Variants in KCNT2 observed in about 807,000 individuals in gnomAD.
The protein encoded by KCNT2 is potassium sodium-activated channel subfamily T member 2, also known as potassium channel subfamily T member 2.
In KCNT2, 67 loss-of-function variants were observed where a neutral mutation model predicts 153.8. The observed-to-expected ratio is 0.44, with a 90% CI of 0.36 to 0.53. The LOEUF is 0.53. Ranked by LOEUF, KCNT2 falls within the 20% of genes least tolerant of loss-of-function variation. The pLI, the probability that KCNT2 is intolerant of heterozygous loss-of-function variation, is 0.00. For missense variants in KCNT2, 975 were observed against 1,354.8 expected (o/e 0.72, Z 4.40); for synonymous variants, 500 against 458.8 (o/e 1.09, Z -1.15).
intron 20 of KCNT2, among the ~76,000 whole-genome samples, chr1:196,318,989 TA>T (rs1414576331): frequency 1.3e-5 from 2 of 151,766 alleles, no homozygotes; most frequent in Non-Finnish European, 2.9e-5. Flanking sequence ...ACTAATGTAT[TA>T]AACACATATG....
chr1:196,344,541 T>C (rs1345613218), intron 14 of KCNT2, among the ~76,000 whole-genome samples: 3 of 152,188 alleles, frequency 2.0e-5, no homozygotes, highest in African/African-American at 7.2e-5. Context: ...AGCAAGATGA[T>C]ACTTGGCAAA....
At chr1:196,479,726 TA>T (rs1678850301) in intron 4 of KCNT2, among the ~76,000 whole-genome samples, 1 of 152,188 alleles carries the variant, frequency 6.6e-6, no homozygotes, top group Admixed American at 6.5e-5. Flanking sequence ...TGTGTGTTTC[TA>T]ATACATAAAA....
intron 14 of KCNT2, among the ~76,000 whole-genome samples, chr1:196,344,338 C>A (rs1021784313): frequency 1.3e-5 from 2 of 152,064 alleles, no homozygotes; most frequent in Non-Finnish European, 2.9e-5. Context: ...CTTTTAAAAC[C>A]TGTGCCCATT....
In KCNT2 at chr1:196,284,248, A is replaced by AAAAAAATAT; in HGVS notation, c.2697+1408_2697+1409insATATTTTTT. 1.0e-3 allele frequency among the ~76,000 whole-genome samples: 10 copies of AAAAAAATAT among 10,050 alleles called. 1 individual carries two copies. The highest frequency in any genetic ancestry group is 9.1e-3 in the East Asian group (1 of 110). The allele number at this position is 10,050 out of a possible 152,430, so 6.6% of individuals were successfully genotyped here. A position where few individuals can be genotyped will look rare whatever the true frequency, so the allele number is the denominator to read the frequency against. On this transcript the variant is annotated intron_variant, in intron 23 of 27. Transcript: ENST00000294725. ...TCTGTCTTAAAAAAAAAAAAAAAAA[A>AAAAAAATAT]ATATATATATATATATATATATATA...
At chr1:196,375,748 A>T (rs181514762) in intron 13 of KCNT2, among the ~76,000 whole-genome samples, 151 of 151,722 alleles carry the variant, frequency 1.0e-3, no homozygotes, top group Non-Finnish European at 2.1e-3. Flanking sequence ...CAAAATATTT[A>T]TTATAAAAAG....
At chr1:196,320,303 A>C (rs1001757008) in intron 19 of KCNT2, among the ~76,000 whole-genome samples, 2 of 151,830 alleles carry the variant, frequency 1.3e-5, no homozygotes, top group Non-Finnish European at 2.9e-5. Flanking sequence ...CTCAGCATAT[A>C]TGTATCCAAA....
chr1:196,335,487 A>G (rs985923495), intron 16 of KCNT2, among the ~76,000 whole-genome samples: 11 of 152,166 alleles, frequency 7.2e-5, no homozygotes, highest in Non-Finnish European at 4.4e-5. Context: ...GGTGTAGTCA[A>G]TTCTAACACA....
chr1:196,426,948 C>T (rs879399620), intron 10 of KCNT2, among the ~76,000 whole-genome samples: 1 of 151,884 alleles, frequency 6.6e-6, no homozygotes, highest in Non-Finnish European at 1.5e-5. Context: ...TTCCTTAGGC[C>T]TCCCCAGACA....
At chr1:196,263,570 A>G (rs776736022) in intron 25 of KCNT2, among the ~76,000 whole-genome samples, 16 of 152,122 alleles carry the variant, frequency 1.1e-4, no homozygotes, top group Non-Finnish European at 2.1e-4. Flanking sequence ...AACCACCAAT[A>G]TATAATTCTA....
At chr1:196,598,400 C>T (rs1664339090) in intron 1 of KCNT2, among the ~76,000 whole-genome samples, 1 of 152,128 alleles carries the variant, frequency 6.6e-6, no homozygotes, top group South Asian at 2.1e-4. Context: ...GTTTGTTTTG[C>T]TGATTTTCCA....
intron 12 of KCNT2, 29 bp from the exon 13 acceptor site, chr1:196,398,700 G>A: frequency 8.8e-7 from 1 of 1,131,854 alleles, no homozygotes; most frequent in Non-Finnish European, 1.3e-6. Flanking sequence ...AAACATCATA[G>A]CATAAGTTAC....
At chr1:196,460,977 T>A (rs76357263) in intron 8 of KCNT2, among the ~76,000 whole-genome samples, 74 of 151,788 alleles carry the variant, frequency 4.9e-4, no homozygotes, top group East Asian at 4.3e-3. Flanking sequence ...AATTGCCAGA[T>A]CTTCAGACAA....
At chr1:196,252,000 C>T (rs7553099) in intron 26 of KCNT2, among the ~76,000 whole-genome samples, 6,173 of 151,756 alleles carry the variant, frequency 0.041, 212 homozygotes, top group Middle Eastern at 0.18. Context: ...TTTAATGCCA[C>T]CTGATGATCT....
chr1:196,241,074 G>C (rs1654910870), intron 26 of KCNT2, among the ~76,000 whole-genome samples: 1 of 152,044 alleles, frequency 6.6e-6, no homozygotes, highest in African/African-American at 2.4e-5. Flanking sequence ...GACAGAGAAA[G>C]AGACTTAGAG....
chr1:196,304,023 A>G (rs1161975141), intron 22 of KCNT2, among the ~76,000 whole-genome samples: 1 of 152,132 alleles, frequency 6.6e-6, no homozygotes, highest in Non-Finnish European at 1.5e-5. Context: ...GCCTTGCTGA[A>G]TTGAACTGGT....
chr1:196,467,760 T>C lies in KCNT2; in HGVS notation c.486A>G (p.Leu162=). 2 of 1,605,672 alleles carry C rather than the reference T, an allele frequency of 1.2e-6. No homozygotes were observed. ...AACAGTTCAGAAAGACTGGGACAAA[T>C]AGATTCCTTAAGGAAGGCCAGAATA... ...ISIFWPSLRN[L]FVPVFLNCWL... is the part of the protein sequence containing the mutation. The change falls in exon 7 of 28, where the codon CTA becomes CTG. Residue 162 remains leucine, a synonymous_variant. Coordinates refer to ENST00000294725, the MANE Select transcript of KCNT2 (RefSeq NM_198503.5).
intron 1 of KCNT2, among the ~76,000 whole-genome samples, chr1:196,535,618 T>C (rs2148858923): frequency 6.6e-6 from 1 of 152,260 alleles, no homozygotes; most frequent in African/African-American, 2.4e-5. Flanking sequence ...AAATGTCAGG[T>C]TGTTAGGTGC....
chr1:196,261,567 G>A (rs1657027927), intron 25 of KCNT2, among the ~76,000 whole-genome samples: 1 of 151,862 alleles, frequency 6.6e-6, no homozygotes. Flanking sequence ...AGTGAAAAAT[G>A]GGGATGAAAA....
At chr1:196,344,883 T>G (rs1666003996) in intron 14 of KCNT2, among the ~76,000 whole-genome samples, 1 of 152,172 alleles carries the variant, frequency 6.6e-6, no homozygotes, top group South Asian at 2.1e-4. Flanking sequence ...ATTTTTTTTT[T>G]CTTTATGATT....
Sources: allele counts gnomAD v4.1 joint callset (sites outside exome capture counted in the v4.1 genomes callset), GRCh38; gene constraint gnomAD v4.1.1; transcripts MANE v1.5; gene names NCBI Gene and HGNC (gene_info 2026-07-23, HGNC 2026-07-21).